Variants in SH3BP1 observed in about 807,000 individuals in gnomAD.
The protein encoded by SH3BP1 is SH3 domain-binding protein 1.
SH3BP1 carries 46 observed loss-of-function variants against 69.8 expected under a neutral mutation model. That is an observed-to-expected ratio of 0.66 (90% CI 0.52 to 0.84). SH3BP1 has a LOEUF of 0.84. Ranked by LOEUF, SH3BP1 falls within the 40% of genes least tolerant of loss-of-function variation. The probability of loss-of-function intolerance (pLI) is 0.00; values close to 1 mark genes in which losing one functional copy is unlikely to be tolerated. For missense variants in SH3BP1, 868 were observed against 930.9 expected (o/e 0.93, Z 0.88); for synonymous variants, 403 against 378.0 (o/e 1.07, Z -0.77).
intron 8 of SH3BP1, 21 bp from the exon 9 acceptor site, chr22:37,644,849 G>C (rs374648695): frequency 6.2e-7 from 1 of 1,613,554 alleles, no homozygotes; most frequent in Non-Finnish European, 8.5e-7. Flanking sequence ...TTCCGCTCAG[G>C]GTGTCCCTTC....
intron 1 of SH3BP1, 64 bp from the exon 2 acceptor site, chr22:37,641,062 G>T: frequency 9.0e-7 from 1 of 1,104,988 alleles, no homozygotes; most frequent in South Asian, 1.3e-5. Context: ...GGAAGTAGGG[G>T]GCGTTCTAAC....
At chr22:37,645,960 CTTTTTTTT>C (rs11329854) in intron 10 of SH3BP1, among the ~76,000 whole-genome samples, 1 of 126,280 alleles carries the variant, frequency 7.9e-6, no homozygotes, top group African/African-American at 3.4e-5. Context: ...CTCCCTTACA[CTTTTTTTT>C]TTTTTTTTTT....
Position 37,644,662 on chromosome 22 carries a change from A to T in SH3BP1, c.644A>T (p.His215Leu). ...GACGAGTACTTGGCTGACCTGTACC[A>T]CTTTGTTACCAAGGAGGACTCCTAT... is the stretch of plus-strand genomic sequence containing the variant. ...CRDEYLADLY[H>L]FVTKEDSYAN... The change falls in exon 8 of 18, where the codon CAC becomes CTC. Residue 215 changes from histidine (H) to leucine (L), a missense_variant. By Grantham distance (99) the His-to-Leu change is moderately conservative. Coordinates refer to ENST00000649765, the MANE Select transcript of SH3BP1 (RefSeq NM_018957.6). 6.2e-7 allele frequency: 1 copy of T among 1,614,090 alleles called. No homozygotes were observed. Among genetic ancestry groups the T allele is most frequent in the Non-Finnish European group, 8.5e-7 (1 of 1,179,996 alleles).
chr22:37,647,956 G>A (rs369854317), intron 13 of SH3BP1, among the ~76,000 whole-genome samples: 5 of 152,366 alleles, frequency 3.3e-5, no homozygotes, highest in African/African-American at 4.8e-5. Flanking sequence ...GATTACAGGC[G>A]TGAGGCACTG....
At chr22:37,643,264 ATGCTGTGGGGTC>A (rs1932677027) in intron 6 of SH3BP1, 90 bp downstream of exon 6, 1 of 1,151,690 alleles carries the variant, frequency 8.7e-7, no homozygotes, top group African/African-American at 1.5e-5. Context: ...CACCAGGAGG[ATGCTGTGGGGTC>A]TGCTGAGTAC....
chr22:37,647,517 C>G lies in SH3BP1; in HGVS notation c.1195C>G (p.Leu399Val), dbSNP rs776877157. 1.9e-6 allele frequency: 3 copies of G among 1,601,710 alleles called. No homozygotes were observed. The African/African-American group carries it at 4.0e-5, about 21-fold the overall frequency. Reference protein sequence around the residue: ...SRLPPENLSNLRYLMKFLARL... With the variant: ...SRLPPENLSNVRYLMKFLARL... Reference sequence around the variant, plus strand: ...CCTACCCCCCGAGAACCTCAGCAACCTCAGGTGAGCCCGAGCCCGCCTCCC... The same window carrying G: ...CCTACCCCCCGAGAACCTCAGCAACGTCAGGTGAGCCCGAGCCCGCCTCCC... Residue 399 changes from leucine to valine, a missense_variant, in exon 13 of 18, where the codon CTC (leucine) becomes GTC (valine). By Grantham distance (32) the Leu-to-Val change is conservative (BLOSUM62 1). Around this residue, in one of 3 missense-constraint regions of SH3BP1, gnomAD observed 474 missense variants for 462.3 expected, o/e 1.03. Transcript: ENST00000649765.
At chr22:37,645,324 G>A in intron 9 of SH3BP1, 41 bp from the exon 10 acceptor site, 2 of 1,577,052 alleles carry the variant, frequency 1.3e-6, no homozygotes, top group Non-Finnish European at 8.7e-7. Context: ...ACTGCTCGGG[G>A]TGGGAAGGCC....
intron 4 of SH3BP1, 130 bp downstream of exon 4, chr22:37,642,745 A>C: frequency 6.2e-7 from 1 of 1,601,790 alleles, no homozygotes; most frequent in Non-Finnish European, 8.5e-7. Context: ...CAGGTCAGTG[A>C]GGGTGGCCAG....
At chr22:37,646,651 C>A (rs1932790073) in intron 10 of SH3BP1, 167 bp from the exon 11 acceptor site, 8 of 433,500 alleles carry the variant, frequency 1.8e-5, no homozygotes, top group Non-Finnish European at 2.9e-5. Flanking sequence ...GAATTCTAGA[C>A]CTTGAAGGTT....
Position 37,653,840 on chromosome 22 carries a change from A to G in SH3BP1, c.1660A>G (p.Thr554Ala), listed in dbSNP as rs1233972631. ...CAAGGTCACCAGGAGTCCCCCGGAG[A>G]CAGCTGCCCCAGTGGAGGACATGGC... ...SPKVTRSPPE[T>A]AAPVEDMARR... The change falls in exon 17 of 18, where the codon ACA (threonine) becomes GCA (alanine). Residue 554 changes from threonine to alanine, a missense_variant. Transcript: ENST00000649765. The G allele has an allele frequency of 1.9e-6, 3 of 1,609,592 alleles. No individual in the cohort carries two copies. The Admixed American group carries it at 5.0e-5, about 27-fold the overall frequency.
At chr22:37,641,198 G>A in intron 2 of SH3BP1, 30 bp downstream of exon 2, 5 of 1,546,610 alleles carry the variant, frequency 3.2e-6, no homozygotes, top group Non-Finnish European at 3.5e-6. Context: ...AGGTGGGAAG[G>A]CAGGCCTGTG....
chr22:37,650,012 C>T, intron 14 of SH3BP1, 140 bp from the exon 15 acceptor site: 2 of 884,210 alleles, frequency 2.3e-6, no homozygotes, highest in Non-Finnish European at 3.9e-6. Flanking sequence ...ACACATTTAC[C>T]ATCAACTGGT....
At chr22:37,641,352 A>G in intron 2 of SH3BP1, 22 bp from the exon 3 acceptor site, 1 of 1,550,098 alleles carries the variant, frequency 6.5e-7, no homozygotes, top group Non-Finnish European at 8.7e-7. Flanking sequence ...CTTGATCCTT[A>G]ACCTCCATAC....
chr22:37,641,125 G>A lies in SH3BP1; in HGVS notation c.60-1G>A, dbSNP rs764777009. The A allele has an allele frequency of 2.5e-6, 2 of 801,326 alleles. No individual in the cohort carries two copies. The highest frequency in any genetic ancestry group is 3.8e-6 in the Non-Finnish European group (2 of 524,786). The allele number at this position is 801,326 out of a possible 1,614,324, so 49.6% of individuals were successfully genotyped here. ...CCCCCCCCCCCCACCACTCCCCGCAGCACCCCGGAGACCGCTGAGTTCCTG... is the reference window on the plus strand; with the variant it reads ...CCCCCCCCCCCCACCACTCCCCGCAACACCCCGGAGACCGCTGAGTTCCTG... On this transcript the variant is annotated splice_acceptor_variant, in intron 1 of 17. Transcript: ENST00000649765. LOFTEE classifies it high-confidence loss of function.
intron 5 of SH3BP1, 32 bp downstream of exon 5, chr22:37,643,038 T>C (rs763667992): frequency 1.2e-6 from 2 of 1,609,212 alleles, no homozygotes; most frequent in East Asian, 2.2e-5. Context: ...AGCCCCCAGC[T>C]TCCCCAGCTT....
chr22:37,645,132 A>C, intron 9 of SH3BP1, 172 bp downstream of exon 9: 1 of 832,698 alleles, frequency 1.2e-6, no homozygotes, highest in Admixed American at 2.4e-5. Flanking sequence ...GGGTGGAGTG[A>C]AGCGGGCAGG....
intron 13 of SH3BP1, 61 bp from the exon 14 acceptor site, chr22:37,648,258 C>T: frequency 8.6e-7 from 1 of 1,168,142 alleles, no homozygotes; most frequent in South Asian, 1.3e-5. Flanking sequence ...AAACCCTGGG[C>T]TGGAGAATTC....
chr22:37,645,055 G>A, intron 9 of SH3BP1, 95 bp downstream of exon 9: 2 of 1,163,050 alleles, frequency 1.7e-6, no homozygotes, highest in African/African-American at 3.0e-5. Context: ...GTAGCAGGAA[G>A]CTGTGGATGG....
At chr22:37,650,484 G>A in intron 15 of SH3BP1, 58 bp from the exon 16 acceptor site, 1 of 1,560,268 alleles carries the variant, frequency 6.4e-7, no homozygotes. Context: ...GTCCCGGCCA[G>A]TGGAGTGAGG....
Sources: gnomAD v4.1 joint callset for allele counts (sites outside exome capture counted in the v4.1 genomes callset) on GRCh38, gnomAD v4.1.1 for gene constraint, gnomAD v4.1.1 regional missense constraint, MANE v1.5 for transcripts, NCBI Gene and HGNC (gene_info 2026-07-23, HGNC 2026-07-21) for gene names.